MIDEAS: variants seen among roughly 807,000 people sequenced by gnomAD.
MIDEAS encodes mitotic deacetylase associated SANT domain protein.
Under a neutral mutation model 102.7 loss-of-function variants are expected in MIDEAS, and 26 were observed. That is an observed-to-expected ratio of 0.25 (90% CI 0.19 to 0.35). The LOEUF (loss-of-function observed/expected upper bound fraction) is 0.35, where lower values mean the gene tolerates loss of function less well. Among genes scored for constraint, MIDEAS ranks in the 10% least tolerant of loss-of-function variants. MIDEAS has a pLI of 1.00. For synonymous variants in MIDEAS, 585 were observed against 591.0 expected (o/e 0.99, Z 0.15); for missense variants, 1,231 against 1,435.6 (o/e 0.86, Z 2.30).
At chr14:73,781,740 A>C (rs2053759369) in intron 1 of MIDEAS, among the ~76,000 whole-genome samples, 1 of 149,602 alleles carries the variant, frequency 6.7e-6, no homozygotes, top group Non-Finnish European at 1.5e-5. Flanking sequence ...GTCTCAAAAA[A>C]AAAAAAAAAA....
intron 3 of MIDEAS, among the ~76,000 whole-genome samples, chr14:73,731,494 A>C (rs966455448): frequency 6.6e-6 from 1 of 152,092 alleles, no homozygotes; most frequent in Non-Finnish European, 1.5e-5. Context: ...AAAATGCAGG[A>C]GCCAAAGGCC....
In MIDEAS at chr14:73,779,207, T is replaced by G. The variant is rs569514715; in HGVS notation, c.-248+7895A>C. 1.5e-3 allele frequency among the ~76,000 whole-genome samples: 233 copies of G among 151,656 alleles called. 2 individuals are homozygous for G. Among genetic ancestry groups the G allele is most frequent in the African/African-American group, 5.1e-3 (212 of 41,436 alleles). ...TTCGAGACCAGCCTGGCCAACATGG[T>G]GAAACCCTGTGTCTACTAAAAATAA... On this transcript the variant is annotated intron_variant, in intron 1 of 11. Coordinates refer to the MIDEAS transcript ENST00000394071.
chr14:73,715,421 G>T lies in MIDEAS; in HGVS notation c.*3422C>A, dbSNP rs983064267. The T allele has an allele frequency of 6.6e-6, 1 of 152,554 alleles. No individual in the cohort carries two copies. Among genetic ancestry groups the T allele is most frequent in the Non-Finnish European group, 1.5e-5 (1 of 68,034 alleles). The allele number at this position is 152,554 out of a possible 1,614,324, so 9.5% of individuals were successfully genotyped here. On this transcript the variant is annotated 3_prime_UTR_variant, in exon 13 of 13. Coordinates refer to ENST00000423556, the MANE Select transcript of MIDEAS (RefSeq NM_001367710.1). The stretch of plus-strand genomic sequence containing the variant: ...GATCATTTTTGTTTCAAAATAAAAG[G>T]AATATACTTATTTATATGCTATTAA...
chr14:73,728,502 C>T (rs77644412), intron 4 of MIDEAS: 10,972 of 152,994 alleles, frequency 0.072, 1,342 homozygotes, highest in African/African-American at 0.25. Context: ...CCCTGCCCCC[C>T]GCCCTCCTCC....
chr14:73,734,792 T>G (rs568153302), intron 3 of MIDEAS, among the ~76,000 whole-genome samples: 2 of 152,322 alleles, frequency 1.3e-5, no homozygotes, highest in Non-Finnish European at 1.5e-5. Flanking sequence ...GAGGAAATAG[T>G]TGCTCAAATC....
At chr14:73,743,120 C>T (rs1042739277) in intron 1 of MIDEAS, among the ~76,000 whole-genome samples, 1 of 152,114 alleles carries the variant, frequency 6.6e-6, no homozygotes, top group Non-Finnish European at 1.5e-5. Context: ...GCTCTTCTTC[C>T]TTATCCCCAA....
rs1277657002 is a variant in MIDEAS at position 73,718,119 on chromosome 14, G to A, written c.*724C>T. The A allele has an allele frequency of 6.6e-6, 1 of 152,538 alleles. No homozygotes were observed. The highest frequency in any genetic ancestry group is 1.5e-5 in the Non-Finnish European group (1 of 68,244). 9.4% of individuals were successfully genotyped at this position (152,538 alleles called of 1,614,324 possible). A position where few individuals can be genotyped will look rare whatever the true frequency, so the allele number is the denominator to read the frequency against. On this transcript the variant is annotated 3_prime_UTR_variant, in exon 13 of 13. Transcript: ENST00000423556. The stretch of plus-strand genomic sequence containing the variant: ...CGTACAGCTCCCTTCCCTGCAGCAG[G>A]ATGAGTGCTTTGGACAAGAACGCTA...
At chr14:73,753,396 G>T (rs2053445362) in intron 1 of MIDEAS, among the ~76,000 whole-genome samples, 1 of 152,194 alleles carries the variant, frequency 6.6e-6, no homozygotes. Context: ...GGAGCTGCAG[G>T]GTAAAAGTAG....
chr14:73,762,111 C>T (rs2053559511), upstream of MIDEAS, among the ~76,000 whole-genome samples: 1 of 152,262 alleles, frequency 6.6e-6, no homozygotes, highest in South Asian at 2.1e-4. Context: ...AGTTCCTCTG[C>T]AGACCTGTGG....
At chr14:73,724,527 C>G (rs190324076) in intron 9 of MIDEAS, 7 of 152,378 alleles carry the variant, frequency 4.6e-5, no homozygotes, top group African/African-American at 1.2e-4. Flanking sequence ...TAGCGTGTTA[C>G]TAAAACACAG....
intron 1 of MIDEAS, among the ~76,000 whole-genome samples, chr14:73,772,468 T>G (rs951526010): frequency 1.1e-4 from 16 of 152,214 alleles, no homozygotes; most frequent in Admixed American, 8.5e-4. Context: ...CATCAACATT[T>G]TCCCAAGAAA....
At chr14:73,774,507 G>A (rs2053672873) in intron 1 of MIDEAS, among the ~76,000 whole-genome samples, 2 of 151,866 alleles carry the variant, frequency 1.3e-5, no homozygotes, top group South Asian at 4.2e-4. Flanking sequence ...AGAAACGAAA[G>A]GATCCTCTAA....
chr14:73,784,104 T>C (rs373598427), intron 1 of MIDEAS, among the ~76,000 whole-genome samples: 1 of 152,248 alleles, frequency 6.6e-6, no homozygotes, highest in African/African-American at 2.4e-5. Flanking sequence ...TCCAATATTT[T>C]TTCCTCTTAG....
At chr14:73,789,449 G>A (rs937331598), upstream of MIDEAS, among the ~76,000 whole-genome samples, 2 of 152,168 alleles carry the variant, frequency 1.3e-5, no homozygotes, top group Non-Finnish European at 2.9e-5. Context: ...CCAGCCAACA[G>A]CTGAAGGGCC....
intron 1 of MIDEAS, among the ~76,000 whole-genome samples, chr14:73,780,142 G>A (rs1328923957): frequency 6.7e-6 from 1 of 149,006 alleles, no homozygotes; most frequent in African/African-American, 2.4e-5. Context: ...CCAAAGTGCT[G>A]CGATTACAGG....
intron 1 of MIDEAS, among the ~76,000 whole-genome samples, chr14:73,773,749 G>A (rs1422828460): frequency 2.0e-5 from 3 of 151,922 alleles, no homozygotes; most frequent in African/African-American, 7.2e-5. Flanking sequence ...GAGGCCAGGC[G>A]CAATGGCTCA....
rs2052896850 is a variant in MIDEAS at position 73,716,709 on chromosome 14, A to AAAT, written c.*2133_*2134insATT. The stretch of plus-strand genomic sequence containing the variant: ...AAAAAAAAAAAAAAAAAAAAAAAAA[A>AAAT]TTTTTTTTCCAAGTACAAGATGTTA... On this transcript the variant is annotated 3_prime_UTR_variant, in exon 13 of 13. Coordinates refer to ENST00000423556, the MANE Select transcript of MIDEAS (RefSeq NM_001367710.1). 2 of 94,010 alleles carry AAAT rather than the reference A, an allele frequency of 2.1e-5. No individual in the cohort carries two copies. The highest frequency in any genetic ancestry group is 4.5e-5 in the Non-Finnish European group (2 of 44,060). 5.8% of individuals were successfully genotyped at this position (94,010 alleles called of 1,614,324 possible).
intron 1 of MIDEAS, among the ~76,000 whole-genome samples, chr14:73,778,351 A>AGACTCTGTCC (rs2053710499): frequency 1.3e-5 from 2 of 150,626 alleles, no homozygotes; most frequent in South Asian, 4.2e-4. Flanking sequence ...CGACAGAGCG[A>AGACTCTGTCC]GACTCTGTCT....
intron 5 of MIDEAS, 128 bp downstream of exon 5, chr14:73,727,330 G>T: frequency 1.0e-6 from 1 of 967,216 alleles, no homozygotes; most frequent in Non-Finnish European, 1.6e-6. Flanking sequence ...ACATACAGAA[G>T]CTCAAGGAGG....
Sources: allele counts gnomAD v4.1 joint callset (sites outside exome capture counted in the v4.1 genomes callset), GRCh38; gene constraint gnomAD v4.1.1; transcripts MANE v1.5; gene names NCBI Gene and HGNC (gene_info 2026-07-23, HGNC 2026-07-21).